MRTFA: variants seen among roughly 807,000 people sequenced by gnomAD.
The protein encoded by MRTFA is myocardin related transcription factor A, also known as myocardin-related transcription factor A.
Under a neutral mutation model 83.5 loss-of-function variants are expected in MRTFA, and 20 were observed. That is an observed-to-expected ratio of 0.24 (90% CI 0.17 to 0.35). The LOEUF is 0.35. Among genes scored for constraint, MRTFA ranks in the 10% least tolerant of loss-of-function variants. The pLI is 1.00. For synonymous variants in MRTFA, 659 were observed against 541.2 expected (o/e 1.22, Z -3.02); for missense variants, 1,200 against 1,224.7 (o/e 0.98, Z 0.30).
intron 1 of MRTFA, among the ~76,000 whole-genome samples, chr22:40,626,145 G>A (rs1268851556): frequency 1.3e-5 from 2 of 151,608 alleles, no homozygotes; most frequent in Non-Finnish European, 2.9e-5. Context: ...CACCACACCC[G>A]GCTGATTTTT....
At chr22:40,493,940 CT>C (rs1424748568) in intron 3 of MRTFA, among the ~76,000 whole-genome samples, 1 of 152,178 alleles carries the variant, frequency 6.6e-6, no homozygotes, top group Non-Finnish European at 1.5e-5. Context: ...AGAAGCGTGT[CT>C]TTGGAAATGT....
chr22:40,478,680 A>G (rs1440211997), intron 3 of MRTFA, among the ~76,000 whole-genome samples: 1 of 152,132 alleles, frequency 6.6e-6, no homozygotes, highest in Admixed American at 6.5e-5. Flanking sequence ...GCCACTTCAT[A>G]CTGGGGACCT....
At chr22:40,527,936 G>T (rs1383682237) in intron 3 of MRTFA, among the ~76,000 whole-genome samples, 1 of 152,096 alleles carries the variant, frequency 6.6e-6, no homozygotes. Context: ...AAAAAAAGAT[G>T]CAGACTGACA....
At chr22:40,575,455 A>G (rs1342070649) in intron 2 of MRTFA, among the ~76,000 whole-genome samples, 1 of 152,250 alleles carries the variant, frequency 6.6e-6, no homozygotes, top group Non-Finnish European at 1.5e-5. Flanking sequence ...AATTAAAAAA[A>G]TCTTTTATAA....
intron 3 of MRTFA, among the ~76,000 whole-genome samples, chr22:40,545,741 C>G (rs189935206): frequency 8.0e-6 from 1 of 125,126 alleles, no homozygotes; most frequent in South Asian, 2.7e-4. Context: ...CCATTTTTTT[C>G]TTTTTTTTTG....
intron 3 of MRTFA, among the ~76,000 whole-genome samples, chr22:40,495,451 CA>C (rs1316601851): frequency 1.4e-3 from 175 of 121,428 alleles, no homozygotes; most frequent in Admixed American, 1.9e-3. Context: ...GACTCCGTCT[CA>C]AAAAAAAAAA....
chr22:40,613,793 C>T (rs2056415530), intron 1 of MRTFA, among the ~76,000 whole-genome samples: 1 of 152,130 alleles, frequency 6.6e-6, no homozygotes, highest in South Asian at 2.1e-4. Context: ...ACCTATGGTC[C>T]CAGCTACTCT....
chr22:40,552,603 C>G (rs536004347), intron 2 of MRTFA, among the ~76,000 whole-genome samples: 118 of 152,288 alleles, frequency 7.7e-4, no homozygotes, highest in African/African-American at 2.8e-3. Context: ...CTGCACTTCT[C>G]CTTCCTGCCA....
intron 3 of MRTFA, chr22:40,519,356 C>G (rs2147255772): frequency 8.3e-7 from 1 of 1,198,214 alleles, no homozygotes. Flanking sequence ...CTCTAGAACT[C>G]TTCTCAAACC....
At chr22:40,502,019 C>T (rs2054490696) in intron 3 of MRTFA, among the ~76,000 whole-genome samples, 1 of 138,904 alleles carries the variant, frequency 7.2e-6, no homozygotes, top group Non-Finnish European at 1.6e-5. Context: ...GGGCAGCTGG[C>T]CAGGCGGGGG....
At chr22:40,467,591 A>G (rs571554229) in intron 3 of MRTFA, among the ~76,000 whole-genome samples, 1 of 152,290 alleles carries the variant, frequency 6.6e-6, no homozygotes, top group East Asian at 1.9e-4. Context: ...CAAAGTTACC[A>G]AAATCAGGAA....
chr22:40,501,718 G>A (rs1325282717), intron 3 of MRTFA, among the ~76,000 whole-genome samples: 1 of 48,034 alleles, frequency 2.1e-5, no homozygotes, highest in Non-Finnish European at 4.0e-5. Context: ...GCGGCTGGCC[G>A]GGCAGAGGGG....
chr22:40,592,371 C>A (rs1487810642), intron 2 of MRTFA, among the ~76,000 whole-genome samples: 1 of 151,668 alleles, frequency 6.6e-6, no homozygotes, highest in Non-Finnish European at 1.5e-5. Flanking sequence ...TCACTCGAAC[C>A]CAGGAGGTCA....
intron 3 of MRTFA, among the ~76,000 whole-genome samples, chr22:40,547,747 C>T (rs2055387811): frequency 6.6e-6 from 1 of 151,074 alleles, no homozygotes; most frequent in African/African-American, 2.4e-5. Flanking sequence ...CCCAGCTACT[C>T]GGTAGCTCAG....
chr22:40,483,095 C>A (rs1220885271), intron 3 of MRTFA, among the ~76,000 whole-genome samples: 1 of 152,076 alleles, frequency 6.6e-6, no homozygotes, highest in Non-Finnish European at 1.5e-5. Context: ...ATCTCACTCT[C>A]TTGCCGAGGC....
At chr22:40,436,450 AC>A (rs1047700634) in intron 4 of MRTFA, 2 of 154,250 alleles carry the variant, frequency 1.3e-5, no homozygotes, top group Non-Finnish European at 2.9e-5. Context: ...GACTAAAAGA[AC>A]CCCATGGCAA....
At chr22:40,576,674 A>G (rs2055872139) in intron 2 of MRTFA, among the ~76,000 whole-genome samples, 2 of 152,220 alleles carry the variant, frequency 1.3e-5, no homozygotes, top group African/African-American at 4.8e-5. Context: ...TTTCTACACC[A>G]ACAGATATCT....
intron 4 of MRTFA, among the ~76,000 whole-genome samples, chr22:40,447,712 T>C (rs1463062377): frequency 6.6e-6 from 1 of 152,232 alleles, no homozygotes; most frequent in Non-Finnish European, 1.5e-5. Context: ...ACCTCCACAA[T>C]GTGTTAGAAA....
intron 1 of MRTFA, among the ~76,000 whole-genome samples, chr22:40,625,018 T>C (rs1420089063): frequency 6.6e-6 from 1 of 152,174 alleles, no homozygotes; most frequent in Non-Finnish European, 1.5e-5. Flanking sequence ...TAACATCCTA[T>C]GAACTTCTAC....
Sources: allele counts gnomAD v4.1 joint callset (sites outside exome capture counted in the v4.1 genomes callset), GRCh38; gene constraint gnomAD v4.1.1; transcripts MANE v1.5; gene names NCBI Gene and HGNC (gene_info 2026-07-23, HGNC 2026-07-21).